The following DAZAP2 variants were observed in gnomAD, a reference collection of about 807,000 sequenced individuals.
The protein encoded by DAZAP2 is DAZ associated protein 2.
In DAZAP2, 3 loss-of-function variants were observed where a neutral mutation model predicts 16.2. That is an observed-to-expected ratio of 0.19 (90% confidence interval 0.08 to 0.48). DAZAP2 has a LOEUF of 0.48. Ranked by LOEUF, DAZAP2 falls within the 20% of genes least tolerant of loss-of-function variation. The pLI is 0.98. For synonymous variants in DAZAP2, 69 were observed against 77.6 expected (o/e 0.89, Z 0.58); for missense variants, 172 against 215.9 (o/e 0.80, Z 1.27).
chr12:51,246,122 TGGAAA>T, downstream of DAZAP2: 5 of 1,613,630 alleles, frequency 3.1e-6, no homozygotes, highest in Middle Eastern at 1.6e-4. Flanking sequence ...GATAACAACT[TGGAAA>T]GGAGAGGGAA....
In DAZAP2 at chr12:51,242,388, A is replaced by T. The variant is rs746134764; in HGVS notation, c.437A>T (p.Asn146Ile). Residue 146 changes from asparagine to isoleucine, a missense_variant, in exon 4 of 4, where the codon AAC becomes ATC. Physicochemically the swap from Asn to Ile is moderately radical, Grantham distance 149 (BLOSUM62 -3). Coordinates refer to ENST00000412716, the MANE Select transcript of DAZAP2 (RefSeq NM_014764.4). ...CAGCTTGCAGTCATGCAGGGAGCCA[A>T]CGTCCTCGTAACTCAGCGGAAGGGG... is the stretch of plus-strand genomic sequence containing the variant. ...AAQLAVMQGANVLVTQRKGNF... is the reference protein window; with the variant it reads ...AAQLAVMQGAIVLVTQRKGNF... 6.2e-7 allele frequency: 1 copy of T among 1,613,952 alleles called. No homozygotes were observed. Among genetic ancestry groups the T allele is most frequent in the Non-Finnish European group, 8.5e-7 (1 of 1,179,916 alleles).
intron 1 of DAZAP2, chr12:51,240,006 G>A (rs766756825): frequency 1.0e-5 from 3 of 293,778 alleles, no homozygotes; most frequent in Non-Finnish European, 2.0e-5. Context: ...CTAGAGCAGA[G>A]GCACCCTTGA....
chr12:51,241,221 T>C, intron 3 of DAZAP2, 105 bp downstream of exon 3: 1 of 1,507,834 alleles, frequency 6.6e-7, no homozygotes, highest in Non-Finnish European at 8.9e-7. Context: ...GTTGCCAGTG[T>C]TGGTACAACT....
intron 3 of DAZAP2, among the ~76,000 whole-genome samples, chr12:51,241,877 C>T (rs1051169573): frequency 6.6e-6 from 1 of 151,582 alleles, no homozygotes; most frequent in Non-Finnish European, 1.5e-5. Flanking sequence ...GCTGAGATCC[C>T]ACCACTGCAC....
intron 1 of DAZAP2, chr12:51,239,577 G>C (rs1944629549): frequency 6.6e-6 from 1 of 151,758 alleles, no homozygotes; most frequent in Admixed American, 6.6e-5. Flanking sequence ...TCAAGAGTTC[G>C]AGACCAGCCT....
intron 2 of DAZAP2, 123 bp from the exon 3 acceptor site, chr12:51,240,748 C>A: frequency 7.3e-7 from 1 of 1,374,518 alleles, no homozygotes. Context: ...AGTGGAAAGG[C>A]AACTTGTATA....
rs1290301130 is a variant in DAZAP2, at chr12:51,238,905, A to G, written c.-3A>G. 84 of 1,613,454 alleles carry G rather than the reference A, an allele frequency of 5.2e-5. No individual in the cohort carries two copies. Among genetic ancestry groups the G allele is most frequent in the Non-Finnish European group, 6.6e-5 (78 of 1,179,926 alleles). On this transcript the variant is annotated 5_prime_UTR_variant, in exon 1 of 4. Transcript: ENST00000412716. The stretch of plus-strand genomic sequence containing the variant: ...GCCGAGACAAACCGGACCCGCAACC[A>G]CCATGAACAGCAAAGGCAAGGACCG...
intron 1 of DAZAP2, chr12:51,240,019 A>C (rs989247205): frequency 2.2e-5 from 7 of 321,884 alleles, no homozygotes; most frequent in African/African-American, 1.5e-4. Flanking sequence ...ACCCTTGATA[A>C]GCCAGAACAG....
chr12:51,244,465 G>GATAAC (rs1944737488), downstream of DAZAP2: 1 of 152,230 alleles, frequency 6.6e-6, no homozygotes, highest in Non-Finnish European at 1.5e-5. Flanking sequence ...AAAGTATTGG[G>GATAAC]ATAACAGGCA....
rs1224270935 is a variant in DAZAP2 at position 51,243,309 on chromosome 12, G to A, written c.*851G>A. On this transcript the variant is annotated 3_prime_UTR_variant, in exon 4 of 4. Transcript: ENST00000412716. ...CAACAGTTGGTTTAAAATATGAGGG[G>A]CAAGGAGGAGGATGCATTTCAAAAG... is the stretch of plus-strand genomic sequence containing the variant. 3 of 985,746 alleles carry A rather than the reference G, an allele frequency of 3.0e-6. No individual in the cohort carries two copies. The highest frequency in any genetic ancestry group is 2.3e-4 in the East Asian group (2 of 8,834). 61.1% of individuals were successfully genotyped at this position (985,746 alleles called of 1,614,324 possible). A position where few individuals can be genotyped will look rare whatever the true frequency, so the allele number is the denominator to read the frequency against.
chr12:51,240,495 GA>G (rs752119215), intron 2 of DAZAP2, 34 bp downstream of exon 2: 2 of 1,542,450 alleles, frequency 1.3e-6, no homozygotes, highest in Non-Finnish European at 1.8e-6. Context: ...AACTAGCTGG[GA>G]ATACTCTTAG....
chr12:51,246,310 T>G, downstream of DAZAP2: 4 of 755,622 alleles, frequency 5.3e-6, no homozygotes, highest in Non-Finnish European at 6.1e-6. Flanking sequence ...TGGAGTCTCC[T>G]GGTGCTTAAG....
intron 1 of DAZAP2, chr12:51,239,399 T>G: frequency 6.2e-6 from 1 of 161,162 alleles, no homozygotes; most frequent in Admixed American, 6.1e-5. Context: ...TTCTCCCCTT[T>G]TCTGTGGTTG....
Position 51,241,082 on chromosome 12 carries a change from G to C in DAZAP2, c.344G>C (p.Arg115Thr), listed in dbSNP as rs372446812. The change falls in exon 3 of 4, where the codon AGA (arginine) becomes ACA (threonine). Residue 115 changes from arginine (R) to threonine (T), a missense_variant. Physicochemically the swap from Arg to Thr is moderately conservative, Grantham distance 71. Coordinates refer to ENST00000412716, the MANE Select transcript of DAZAP2 (RefSeq NM_014764.4). ...LVEGGYDAGA[R>T]FGAGATAGNI... ...GAAGGAGGGTATGATGCAGGTGCCA[G>C]ATTTGGAGCTGGGGCTACTGCTGGC... 1.7e-5 allele frequency: 27 copies of C among 1,614,116 alleles called. No individual in the cohort carries two copies. Among genetic ancestry groups the C allele is most frequent in the African/African-American group, 2.7e-5 (2 of 74,944 alleles).
At chr12:51,241,179 C>A in intron 3 of DAZAP2, 63 bp downstream of exon 3, 1 of 1,582,580 alleles carries the variant, frequency 6.3e-7, no homozygotes, top group Non-Finnish European at 8.6e-7. Context: ...GAAATGACTT[C>A]ATATTCATTC....
chr12:51,244,883 G>A (rs1944745567), downstream of DAZAP2: 1 of 134,404 alleles, frequency 7.4e-6, no homozygotes, highest in Non-Finnish European at 1.5e-5. Flanking sequence ...GGAGTATAGT[G>A]GTGCAATCTC....
At chr12:51,246,354 T>A (rs970615749), downstream of DAZAP2, 6 of 547,470 alleles carry the variant, frequency 1.1e-5, no homozygotes, top group African/African-American at 9.4e-5. Context: ...CTGACAAAAC[T>A]GAACTGCCTC....
chr12:51,245,225 T>G (rs1183566438), downstream of DAZAP2: 1 of 152,172 alleles, frequency 6.6e-6, no homozygotes, highest in Non-Finnish European at 1.5e-5. Context: ...TTCTAGAACT[T>G]TCCTAGGGTT....
At chr12:51,244,044 T>C, downstream of DAZAP2, 5 of 430,444 alleles carry the variant, frequency 1.2e-5, no homozygotes, top group Non-Finnish European at 1.5e-5. Flanking sequence ...GAGGGAACTA[T>C]TGATTCTCCT....
Sources: allele counts gnomAD v4.1 joint callset (sites outside exome capture counted in the v4.1 genomes callset), GRCh38; gene constraint gnomAD v4.1.1; transcripts MANE v1.5; gene names NCBI Gene and HGNC (gene_info 2026-07-23, HGNC 2026-07-21).